LRRIQ3: variants seen among roughly 807,000 people sequenced by gnomAD.
The protein encoded by LRRIQ3 is leucine rich repeats and IQ motif containing 3, also known as leucine-rich repeat and IQ domain-containing protein 3.
In LRRIQ3, 75 loss-of-function variants were observed where a neutral mutation model predicts 59.3. The observed-to-expected ratio is 1.26, with a 90% CI of 1.05 to 1.53. The LOEUF (loss-of-function observed/expected upper bound fraction) is 1.53, where lower values mean the gene tolerates loss of function less well. Among genes scored for constraint, LRRIQ3 ranks in the 40% most tolerant of loss-of-function variants. The pLI is 0.00. For missense variants in LRRIQ3, 831 were observed against 710.0 expected, an observed-to-expected ratio of 1.17 and a Z score of -1.94; for synonymous variants, 250 against 231.3, an observed-to-expected ratio of 1.08 and a Z score of -0.73.
At chr1:74,190,777 T>C (rs1234902136) in intron 1 of LRRIQ3, among the ~76,000 whole-genome samples, 1 of 151,852 alleles carries the variant, frequency 6.6e-6, no homozygotes, top group African/African-American at 2.4e-5. Flanking sequence ...AGCCAAAGAA[T>C]TTTTAAAAAA....
In LRRIQ3 at chr1:74,041,950, C is replaced by A; in HGVS notation, c.998-17G>T. On this transcript the variant is annotated splice_polypyrimidine_tract_variant and intron_variant, in intron 6 of 7. Coordinates refer to ENST00000354431, the MANE Select transcript of LRRIQ3 (RefSeq NM_001105659.2). ...ACTCCTGACCTACATCAAACAGAAG[C>A]AAATATTATACATTATACAAGAGCT... 1 of 1,566,932 alleles carries A rather than the reference C, an allele frequency of 6.4e-7. No individual in the cohort carries two copies. The highest frequency in any genetic ancestry group is 8.6e-7 in the Non-Finnish European group (1 of 1,160,746).
Position 74,182,863 on chromosome 1 carries a change from TGA to T in LRRIQ3, c.250-4_250-3del. 1 of 1,398,880 alleles carries T rather than the reference TGA, an allele frequency of 7.1e-7. No homozygotes were observed. The highest frequency in any genetic ancestry group is 9.5e-7 in the Non-Finnish European group (1 of 1,053,822). 86.7% of individuals were successfully genotyped at this position (1,398,880 alleles called of 1,614,324 possible). On this transcript the variant is annotated splice_region_variant and splice_polypyrimidine_tract_variant and intron_variant, in intron 2 of 7. Coordinates refer to ENST00000354431, the MANE Select transcript of LRRIQ3 (RefSeq NM_001105659.2). ...TTTGGTATTTGGTAGACTCTTTATC[TGA>T]AATATTATTAAAAATCTTTTAAATT...
chr1:74,029,619 T>C (rs1002956060), intron 7 of LRRIQ3, among the ~76,000 whole-genome samples: 49 of 152,114 alleles, frequency 3.2e-4, no homozygotes, highest in African/African-American at 1.2e-3. Context: ...ATTGAGGATT[T>C]TTGCATCGAT....
chr1:74,050,405 T>C, intron 6 of LRRIQ3: 1 of 442,970 alleles, frequency 2.3e-6, no homozygotes, highest in Non-Finnish European at 3.0e-6. Flanking sequence ...TATATGTACC[T>C]CTCAACTTAA....
At chr1:74,164,451 G>T (rs1401316848) in intron 3 of LRRIQ3, among the ~76,000 whole-genome samples, 1 of 151,438 alleles carries the variant, frequency 6.6e-6, no homozygotes, top group Non-Finnish European at 1.5e-5. Flanking sequence ...GTCTTCAGAA[G>T]AAATCAACTT....
In LRRIQ3 at chr1:74,081,019, C is replaced by A. The variant is rs192032562; in HGVS notation, c.868-6229G>T. ...CAGAAATAGTTACTAAAAAGTAACT[C>A]TAAAAAGTTACTTAAAAAAGATAAC... On this transcript the variant is annotated intron_variant, in intron 5 of 7. Coordinates refer to ENST00000354431, the MANE Select transcript of LRRIQ3 (RefSeq NM_001105659.2). Among the ~76,000 whole-genome samples the A allele has an allele frequency of 5.7e-3, 865 of 151,596 alleles. 2 individuals are homozygous for A. Among genetic ancestry groups the A allele is most frequent in the Middle Eastern group, 0.014 (4 of 294 alleles).
rs1228860703 is a variant in LRRIQ3 at position 74,041,701 on chromosome 1, T to C, written c.1230A>G (p.Pro410=). 2 of 1,613,604 alleles carry C rather than the reference T, an allele frequency of 1.2e-6. No homozygotes were observed. Among genetic ancestry groups the C allele is most frequent in the Non-Finnish European group, 1.7e-6 (2 of 1,179,782 alleles). The part of the protein sequence containing the change: ...LERSMKEFFA[P]QRAGMKLRTF... The stretch of plus-strand genomic sequence containing the variant: ...TTCGGAGTTTCATACCAGCTCTTTG[T>C]GGTGCAAAAAACTCTTTCATACTCC... Residue 410 remains proline (P), a synonymous_variant, in exon 7 of 8, where the codon CCA becomes CCG. Coordinates refer to ENST00000354431, the MANE Select transcript of LRRIQ3 (RefSeq NM_001105659.2).
chr1:74,195,984 T>C (rs1394294810), intron 1 of LRRIQ3, among the ~76,000 whole-genome samples: 1 of 151,976 alleles, frequency 6.6e-6, no homozygotes, highest in Non-Finnish European at 1.5e-5. Flanking sequence ...CTCCTACTCA[T>C]ATATATAGTA....
intron 4 of LRRIQ3, among the ~76,000 whole-genome samples, chr1:74,145,096 C>T (rs544400994): frequency 3.3e-5 from 5 of 152,070 alleles, no homozygotes; most frequent in African/African-American, 1.2e-4. Context: ...TTTTGGGTAC[C>T]TCTACTAATG....
At chr1:74,069,295 A>G (rs143393689) in intron 6 of LRRIQ3, among the ~76,000 whole-genome samples, 1 of 152,090 alleles carries the variant, frequency 6.6e-6, no homozygotes, top group African/African-American at 2.4e-5. Flanking sequence ...AATCACTAAC[A>G]GAACACACAC....
At chr1:74,096,758 C>T (rs1306425041) in intron 5 of LRRIQ3, among the ~76,000 whole-genome samples, 2 of 152,080 alleles carry the variant, frequency 1.3e-5, no homozygotes, top group Non-Finnish European at 2.9e-5. Context: ...GTTAGCTTTC[C>T]TTCTAACAAT....
chr1:74,091,052 G>T (rs1646389313), intron 5 of LRRIQ3, among the ~76,000 whole-genome samples: 1 of 152,080 alleles, frequency 6.6e-6, no homozygotes. Context: ...CTTTTGTTCT[G>T]ATAAAATTTG....
intron 6 of LRRIQ3, among the ~76,000 whole-genome samples, chr1:74,055,269 A>G (rs2100427032): frequency 6.6e-6 from 1 of 150,932 alleles, no homozygotes; most frequent in Middle Eastern, 3.5e-3. Flanking sequence ...TTGTCACAGA[A>G]TAATGCAACT....
intron 5 of LRRIQ3, among the ~76,000 whole-genome samples, chr1:74,094,015 G>T (rs1298969456): frequency 4.6e-5 from 7 of 151,992 alleles, no homozygotes; most frequent in Non-Finnish European, 1.0e-4. Context: ...CAAGGTAAAG[G>T]TTCCAGCTGA....
rs771713096 is a variant in LRRIQ3 at position 74,041,691 on chromosome 1, C to A, written c.1240G>T (p.Gly414Cys). Residue 414 changes from glycine to cysteine, a missense_variant, in exon 7 of 8, where the codon GGT becomes TGT. Gly to Cys is a radical substitution (Grantham distance 159). Transcript: ENST00000354431. ...TCACTAAATGTTCGGAGTTTCATACCAGCTCTTTGTGGTGCAAAAAACTCT... is the reference window on the plus strand; with the variant it reads ...TCACTAAATGTTCGGAGTTTCATACAAGCTCTTTGTGGTGCAAAAAACTCT... ...MKEFFAPQRA[G>C]MKLRTFSDID... 6.2e-7 allele frequency: 1 copy of A among 1,613,404 alleles called. No homozygotes were observed. Among genetic ancestry groups the A allele is most frequent in the South Asian group, 1.1e-5 (1 of 91,002 alleles).
chr1:74,145,887 T>A (rs929987009), intron 4 of LRRIQ3, among the ~76,000 whole-genome samples: 1 of 152,110 alleles, frequency 6.6e-6, no homozygotes, highest in African/African-American at 2.4e-5. Context: ...CATTTAAAAT[T>A]TCCAGCAAAG....
intron 4 of LRRIQ3, among the ~76,000 whole-genome samples, chr1:74,114,751 T>C (rs1457107295): frequency 7.1e-6 from 1 of 139,954 alleles, no homozygotes; most frequent in Non-Finnish European, 1.6e-5. Flanking sequence ...AAAAAAAAAA[T>C]GCACCAAGAA....
intron 7 of LRRIQ3, among the ~76,000 whole-genome samples, 187 bp from the exon 8 acceptor site, chr1:74,027,156 T>A: frequency 6.6e-6 from 1 of 152,114 alleles, no homozygotes; most frequent in East Asian, 1.9e-4. Flanking sequence ...ATTTATGAGA[T>A]ATCTATAAGC....
At chr1:74,186,061 T>C (rs1189187688) in intron 1 of LRRIQ3, among the ~76,000 whole-genome samples, 1 of 148,874 alleles carries the variant, frequency 6.7e-6, no homozygotes, top group African/African-American at 2.4e-5. Context: ...ATATATATAA[T>C]TATATTTAAT....
Sources: allele counts gnomAD v4.1 joint callset (sites outside exome capture counted in the v4.1 genomes callset), GRCh38; gene constraint gnomAD v4.1.1; transcripts MANE v1.5; gene names NCBI Gene and HGNC (gene_info 2026-07-23, HGNC 2026-07-21).